Variants in STK33 observed in about 807,000 individuals in gnomAD.
The protein encoded by STK33 is serine/threonine-protein kinase 33.
Under a neutral mutation model 58.0 loss-of-function variants are expected in STK33, and 52 were observed. The observed-to-expected ratio is 0.90, with a 90% CI of 0.72 to 1.13. The LOEUF (loss-of-function observed/expected upper bound fraction) is 1.13. Among genes scored for constraint, STK33 ranks in the 50% most tolerant of loss-of-function variants. STK33 has a pLI of 0.00. For synonymous variants in STK33, 215 were observed against 200.1 expected (o/e 1.07, Z -0.63); for missense variants, 630 against 604.2 (o/e 1.04, Z -0.45).
At chr11:8,380,682 T>C in the STK33 span, among the ~76,000 whole-genome samples, 2 of 152,140 alleles carry the variant, frequency 1.3e-5, no homozygotes, top group Non-Finnish European at 2.9e-5. Flanking sequence ...GAAAACAGTA[T>C]GGAGATTTCA....
intron 6 of STK33, chr11:8,466,536 C>G (rs772325316): frequency 6.6e-6 from 1 of 152,232 alleles, no homozygotes; most frequent in South Asian, 2.1e-4. Flanking sequence ...TAGTCTTGGG[C>G]AGCTCTGTCC....
In STK33 at chr11:8,477,287, G is replaced by A. The variant is rs1207361529; in HGVS notation, c.-260-4C>T. Reference sequence around the variant, plus strand: ...CCAAAATGATTTAACTTCAGGCCTAGAAGAAAATGTTTTGCATTTCAGGTT... The same window carrying A: ...CCAAAATGATTTAACTTCAGGCCTAAAAGAAAATGTTTTGCATTTCAGGTT... On this transcript the variant is annotated splice_polypyrimidine_tract_variant and splice_region_variant and intron_variant, in intron 2 of 15. Transcript: ENST00000687296. The A allele has an allele frequency of 6.6e-6, 1 of 152,066 alleles. No homozygotes were observed. The highest frequency in any genetic ancestry group is 1.5e-5 in the Non-Finnish European group (1 of 68,020). 9.4% of individuals were successfully genotyped at this position (152,066 alleles called of 1,614,324 possible). A position where few individuals can be genotyped will look rare whatever the true frequency, so the allele number is the denominator to read the frequency against.
the STK33 span, among the ~76,000 whole-genome samples, chr11:8,375,170 T>C: frequency 0.99 from 151,614 of 152,384 alleles, 75,426 homozygotes; most frequent in East Asian, 1. Context: ...GTTACTCTTG[T>C]CTTTTAACTA....
intron 15 of STK33, among the ~76,000 whole-genome samples, chr11:8,393,878 T>C (rs1848917466): frequency 6.6e-6 from 1 of 152,172 alleles, no homozygotes; most frequent in Admixed American, 6.5e-5. Flanking sequence ...TGTAAGACTT[T>C]TGGCACCTAT....
chr11:8,479,330 G>A (rs1486077788), intron 2 of STK33, among the ~76,000 whole-genome samples: 1 of 151,920 alleles, frequency 6.6e-6, no homozygotes, highest in African/African-American at 2.4e-5. Context: ...CTACTAGGGA[G>A]GCTGAGGCAG....
the STK33 span, among the ~76,000 whole-genome samples, chr11:8,363,470 C>T: frequency 6.6e-6 from 1 of 152,198 alleles, no homozygotes; most frequent in African/African-American, 2.4e-5. Flanking sequence ...CCACCTCCCC[C>T]AGGTAACCAC....
intron 14 of STK33, among the ~76,000 whole-genome samples, chr11:8,421,312 T>G (rs1941890753): frequency 6.6e-6 from 1 of 152,194 alleles, no homozygotes; most frequent in African/African-American, 2.4e-5. Context: ...AGTTGATTTT[T>G]GTCTGTGGTG....
intron 6 of STK33, among the ~76,000 whole-genome samples, chr11:8,472,809 G>C (rs1045675791): frequency 1.4e-4 from 22 of 152,142 alleles, no homozygotes; most frequent in Admixed American, 5.9e-4. Context: ...TCACTATCAA[G>C]GAAGTGAACA....
Position 8,464,840 on chromosome 11 carries a change from A to G in STK33, c.340-18T>C. On this transcript the variant is annotated intron_variant, in intron 6 of 15. Transcript: ENST00000687296. ...TAGATTTCCTGGAGAAAAAAAAAAA[A>G]AGAGTTGTCTCTCTATGCCATTCAT... The G allele has an allele frequency of 6.6e-7, 1 of 1,511,050 alleles. No individual in the cohort carries two copies. Among genetic ancestry groups the G allele is most frequent in the Non-Finnish European group, 9.2e-7 (1 of 1,092,212 alleles). 93.6% of individuals were successfully genotyped at this position (1,511,050 alleles called of 1,614,324 possible).
intron 1 of STK33, among the ~76,000 whole-genome samples, chr11:8,512,624 T>C (rs1952430303): frequency 7.3e-6 from 1 of 136,542 alleles, no homozygotes; most frequent in Non-Finnish European, 1.7e-5. Context: ...TAAGCTTATA[T>C]TTTTTATTTT....
chr11:8,508,769 TC>T (rs1952070814), intron 1 of STK33, among the ~76,000 whole-genome samples: 1 of 152,086 alleles, frequency 6.6e-6, no homozygotes, highest in African/African-American at 2.4e-5. Context: ...AGAATGGGTT[TC>T]TCCCTAAATA....
the STK33 span, among the ~76,000 whole-genome samples, chr11:8,338,336 C>T: frequency 1.3e-5 from 2 of 152,216 alleles, no homozygotes; most frequent in Non-Finnish European, 2.9e-5. Context: ...TCCAGACATT[C>T]CCCGGGCCGG....
At chr11:8,367,788 G>A in the STK33 span, among the ~76,000 whole-genome samples, 3 of 152,080 alleles carry the variant, frequency 2.0e-5, no homozygotes, top group Non-Finnish European at 4.4e-5. Flanking sequence ...TGGTATAGTC[G>A]GGATTTGAAC....
At chr11:8,476,488 T>C (rs1011528448) in intron 4 of STK33, among the ~76,000 whole-genome samples, 199 bp downstream of exon 4, 3 of 152,218 alleles carry the variant, frequency 2.0e-5, no homozygotes, top group African/African-American at 7.2e-5. Context: ...TCAGATACAG[T>C]AGCCTCTTGC....
At position 8,492,691 on chromosome 11, in the gene STK33, T is replaced by C. The variant is rs569789717; in HGVS notation, c.-465-12077A>G. On this transcript the variant is annotated intron_variant, in intron 1 of 15. Coordinates refer to ENST00000687296, the MANE Select transcript of STK33 (RefSeq NM_001352389.2). ...ACTTATTCCAAAATTGACCACATAG[T>C]TGGAAGCAAAGCTCTCCTCAGCAAA... 2.0e-5 allele frequency among the ~76,000 whole-genome samples: 3 copies of C among 152,312 alleles called. No homozygotes were observed. The South Asian group carries it at 6.2e-4, about 32-fold the overall frequency.
intron 1 of STK33, among the ~76,000 whole-genome samples, chr11:8,508,641 A>T (rs1479029883): frequency 6.6e-6 from 1 of 152,044 alleles, no homozygotes; most frequent in Non-Finnish European, 1.5e-5. Flanking sequence ...CATCCCACTA[A>T]ATTGATTTCA....
chr11:8,457,580 T>G, intron 8 of STK33, 101 bp from the exon 9 acceptor site: 1 of 1,055,106 alleles, frequency 9.5e-7, no homozygotes, highest in Non-Finnish European at 1.3e-6. Context: ...AATCATTAAT[T>G]TATTCATTCA....
At position 8,454,736 on chromosome 11, in the gene STK33, A is replaced by C. The variant is rs1330333203; in HGVS notation, c.786+8T>G. ...CAGGCAAATATTTACCACCATTGCT[A>C]ATCTTACCTTTATGTTTAAGTTTAT... On this transcript the variant is annotated splice_region_variant and intron_variant, in intron 10 of 15. Coordinates refer to ENST00000687296, the MANE Select transcript of STK33 (RefSeq NM_001352389.2). The C allele has an allele frequency of 8.3e-6, 13 of 1,566,026 alleles. No homozygotes were observed. The highest frequency in any genetic ancestry group is 9.5e-6 in the Non-Finnish European group (11 of 1,155,174).
At chr11:8,539,477 G>A (rs1955331450) in intron 1 of STK33, among the ~76,000 whole-genome samples, 1 of 152,070 alleles carries the variant, frequency 6.6e-6, no homozygotes, top group South Asian at 2.1e-4. Context: ...ACTTGACCTA[G>A]CGACACCACC....
Sources: allele counts gnomAD v4.1 joint callset (sites outside exome capture counted in the v4.1 genomes callset), GRCh38; gene constraint gnomAD v4.1.1; transcripts MANE v1.5; gene names NCBI Gene and HGNC (gene_info 2026-07-23, HGNC 2026-07-21).